The following RANBP2 variants were observed in gnomAD, a reference collection of about 807,000 sequenced individuals.
RANBP2 encodes the protein E3 SUMO-protein ligase RanBP2.
A neutral mutation model predicts 303.6 loss-of-function variants in RANBP2; 57 were observed. That is an observed-to-expected ratio of 0.19 (90% confidence interval 0.15 to 0.23). The LOEUF (loss-of-function observed/expected upper bound fraction) is 0.23, where lower values mean the gene tolerates loss of function less well. Ranked by LOEUF, RANBP2 falls within the 10% of genes least tolerant of loss-of-function variation. The pLI is 1.00. For missense variants in RANBP2, 3,138 were observed against 3,780.8 expected, an observed-to-expected ratio of 0.83 and a Z score of 4.46; for synonymous variants, 1,167 against 1,301.5, an observed-to-expected ratio of 0.90 and a Z score of 2.23.
the RANBP2 span, chr2:109,667,228 C>G: frequency 9.4e-4 from 943 of 999,560 alleles, 1 homozygote; most frequent in Non-Finnish European, 1.3e-3. Flanking sequence ...AAGACCCAAG[C>G]AAACGCAGGC....
At chr2:108,837,196 A>G in the RANBP2 span, among the ~76,000 whole-genome samples, 11 of 152,146 alleles carry the variant, frequency 7.2e-5, no homozygotes, top group Non-Finnish European at 1.2e-4. Context: ...CCTTTATTAT[A>G]TCGAGGTGGT....
chr2:108,923,309 T>G, the RANBP2 span: 1 of 1,510,170 alleles, frequency 6.6e-7, no homozygotes, highest in Non-Finnish European at 9.2e-7. Flanking sequence ...ACACCCTCTG[T>G]AGTGAAAGGG....
intron 8 of RANBP2, 39 bp from the exon 9 acceptor site, chr2:108,748,881 A>G (rs780788037): frequency 2.5e-6 from 4 of 1,611,824 alleles, no homozygotes; most frequent in Non-Finnish European, 3.4e-6. Flanking sequence ...ACAATCTGTA[A>G]TTTTAAAGTG....
At chr2:108,827,902 C>T in the RANBP2 span, among the ~76,000 whole-genome samples, 285 of 151,724 alleles carry the variant, frequency 1.9e-3, 3 homozygotes, top group African/African-American at 6.7e-3. Flanking sequence ...ATCAGAGATT[C>T]CATTCCCATT....
At chr2:109,216,911 A>C in the RANBP2 span, among the ~76,000 whole-genome samples, 555 of 152,300 alleles carry the variant, frequency 3.6e-3, 2 homozygotes, top group African/African-American at 0.013. Flanking sequence ...CGTCTTCCCA[A>C]ACCGAAATTC....
At chr2:109,022,112 C>A in the RANBP2 span, among the ~76,000 whole-genome samples, 2 of 152,242 alleles carry the variant, frequency 1.3e-5, no homozygotes, top group African/African-American at 4.8e-5. Flanking sequence ...CTGTGGGTTC[C>A]GCACCTAGGG....
the RANBP2 span, among the ~76,000 whole-genome samples, chr2:109,078,101 T>TGGC: frequency 1.4e-4 from 6 of 42,158 alleles, 1 homozygote; most frequent in African/African-American, 3.1e-4. Flanking sequence ...TATATATATA[T>TGGC]ATATATATAT....
chr2:109,530,160 C>T, the RANBP2 span, among the ~76,000 whole-genome samples: 2 of 152,194 alleles, frequency 1.3e-5, no homozygotes, highest in African/African-American at 4.8e-5. Context: ...CCAGACACTG[C>T]GTTTGCCCTC....
the RANBP2 span, among the ~76,000 whole-genome samples, chr2:109,595,314 T>C: frequency 2.0e-5 from 3 of 152,222 alleles, no homozygotes; most frequent in Non-Finnish European, 4.4e-5. Context: ...TTTTACAATC[T>C]AAAAGGCAAA....
chr2:109,643,319 C>T, the RANBP2 span, among the ~76,000 whole-genome samples: 2 of 152,276 alleles, frequency 1.3e-5, no homozygotes, highest in Middle Eastern at 6.8e-3. Flanking sequence ...GCAACTCCAT[C>T]TTGAATAGGG....
At chr2:108,846,862 T>C in the RANBP2 span, 2 of 1,613,838 alleles carry the variant, frequency 1.2e-6, no homozygotes, top group African/African-American at 1.3e-5. Context: ...ACAGCTGCTT[T>C]CTTTAAGAGC....
the RANBP2 span, among the ~76,000 whole-genome samples, chr2:109,469,294 A>T: frequency 2.0e-5 from 3 of 152,214 alleles, no homozygotes; most frequent in Non-Finnish European, 4.4e-5. Context: ...ACACCACCTC[A>T]CTGTGTCCTC....
At chr2:109,558,872 C>T in the RANBP2 span, among the ~76,000 whole-genome samples, 12 of 151,658 alleles carry the variant, frequency 7.9e-5, no homozygotes, top group Non-Finnish European at 1.3e-4. Flanking sequence ...AAAAGACTCC[C>T]GAGAAAACAG....
At chr2:109,766,191 G>A in the RANBP2 span, among the ~76,000 whole-genome samples, 6 of 151,186 alleles carry the variant, frequency 4.0e-5, no homozygotes, top group African/African-American at 1.2e-4. Context: ...CGGCAGGTAC[G>A]AGGAGGCAAA....
the RANBP2 span, among the ~76,000 whole-genome samples, chr2:109,365,425 T>A: frequency 6.6e-6 from 1 of 152,206 alleles, no homozygotes; most frequent in Non-Finnish European, 1.5e-5. Flanking sequence ...TCCCTATTGA[T>A]CTCTTCAATT....
At chr2:109,162,993 G>C in the RANBP2 span, among the ~76,000 whole-genome samples, 1 of 152,186 alleles carries the variant, frequency 6.6e-6, no homozygotes, top group South Asian at 2.1e-4. Context: ...CTGACTGAGG[G>C]ACTCCTTTGA....
chr2:109,352,173 A>G, the RANBP2 span, among the ~76,000 whole-genome samples: 1 of 152,214 alleles, frequency 6.6e-6, no homozygotes, highest in Non-Finnish European at 1.5e-5. Flanking sequence ...CCAAGCTCAA[A>G]ATAGGCATTC....
chr2:109,412,195 C>T, the RANBP2 span, among the ~76,000 whole-genome samples: 7 of 152,280 alleles, frequency 4.6e-5, no homozygotes, highest in East Asian at 1.9e-4. Context: ...TGTGCACTCT[C>T]AGCCTAGCCT....
At chr2:109,042,498 T>C in the RANBP2 span, among the ~76,000 whole-genome samples, 1 of 152,152 alleles carries the variant, frequency 6.6e-6, no homozygotes, top group African/African-American at 2.4e-5. Context: ...TCCAGTGCTT[T>C]TCTCTCTAAC....
Sources: gnomAD v4.1 joint callset for allele counts (sites outside exome capture counted in the v4.1 genomes callset) on GRCh38, gnomAD v4.1.1 for gene constraint, MANE v1.5 for transcripts, NCBI Gene and HGNC (gene_info 2026-07-23, HGNC 2026-07-21) for gene names.